The following C17orf100 variants were observed in gnomAD, a reference collection of about 807,000 sequenced individuals.
The protein encoded by C17orf100 is uncharacterized protein C17orf100.
Under a neutral mutation model 0.7 loss-of-function variants are expected in C17orf100, and 1 was observed. The observed-to-expected ratio is 1.50, with a 90% CI of 0.53 to 7.13. The LOEUF (loss-of-function observed/expected upper bound fraction) is 7.13, where lower values mean the gene tolerates loss of function less well. C17orf100 is among the 30% of genes most tolerant of loss of function. C17orf100 has a pLI of 0.14. For missense variants in C17orf100, 168 were observed against 171.5 expected, an observed-to-expected ratio of 0.98 and a Z score of 0.11; for synonymous variants, 87 against 84.0, an observed-to-expected ratio of 1.04 and a Z score of -0.20.
At position 6,652,444 on chromosome 17, in the gene C17orf100, A is replaced by G. The variant is rs976632882; in HGVS notation, c.*174A>G. 17 of 1,478,454 alleles carry G rather than the reference A, an allele frequency of 1.1e-5. No homozygotes were observed. Among genetic ancestry groups the G allele is most frequent in the Non-Finnish European group, 1.4e-5 (16 of 1,114,018 alleles). The allele number at this position is 1,478,454 out of a possible 1,614,324, so 91.6% of individuals were successfully genotyped here. A position where few individuals can be genotyped will look rare whatever the true frequency, so the allele number is the denominator to read the frequency against. On this transcript the variant is annotated 3_prime_UTR_variant, in exon 1 of 1. Coordinates refer to ENST00000542475, the MANE Select transcript of C17orf100 (RefSeq NM_001105520.2). The stretch of plus-strand genomic sequence containing the variant: ...AAGCCGCAGTTTCTGAACACAGCCA[A>G]CGTTTACTGACCGTCCTGCGTCTTG...
At position 6,652,335 on chromosome 17, in the gene C17orf100, T is replaced by A; in HGVS notation, c.*65T>A. On this transcript the variant is annotated 3_prime_UTR_variant, in exon 1 of 1. Coordinates refer to ENST00000542475, the MANE Select transcript of C17orf100 (RefSeq NM_001105520.2). ...CAGCCAGGACAGAAAGGCCTCCAGTTGCCAGCCAGCCAGCCAGCTGCCAGG... is the reference window on the plus strand; with the variant it reads ...CAGCCAGGACAGAAAGGCCTCCAGTAGCCAGCCAGCCAGCCAGCTGCCAGG... 1.3e-6 allele frequency: 2 copies of A among 1,595,362 alleles called. No homozygotes were observed. The highest frequency in any genetic ancestry group is 8.5e-7 in the Non-Finnish European group (1 of 1,172,314).
rs568982588 is a variant in C17orf100, at chr17:6,652,500, T to C, written c.*230T>C. 25 of 1,442,168 alleles carry C rather than the reference T, an allele frequency of 1.7e-5. 1 individual carries two copies. In the East Asian group the frequency reaches 5.6e-4, roughly 32 times the overall value. The allele number at this position is 1,442,168 out of a possible 1,614,324, so 89.3% of individuals were successfully genotyped here. ...GCCTACTTTTGACCCAGTGAACTATTTTCACTTGAAGCCAGCACAGAAGGT... is the reference window on the plus strand; with the variant it reads ...GCCTACTTTTGACCCAGTGAACTATCTTCACTTGAAGCCAGCACAGAAGGT... On this transcript the variant is annotated 3_prime_UTR_variant, in exon 1 of 1. Transcript: ENST00000542475.
Position 6,652,654 on chromosome 17 carries a change from T to G in C17orf100, c.*384T>G. The G allele has an allele frequency of 2.9e-6, 1 of 350,748 alleles. No homozygotes were observed. The highest frequency in any genetic ancestry group is 5.2e-6 in the Non-Finnish European group (1 of 193,968). The allele number at this position is 350,748 out of a possible 1,614,324, so 21.7% of individuals were successfully genotyped here. A position where few individuals can be genotyped will look rare whatever the true frequency, so the allele number is the denominator to read the frequency against. On this transcript the variant is annotated 3_prime_UTR_variant, in exon 1 of 1. Transcript: ENST00000542475. ...CACCCCTTAGGAACAGAGACCAAACTGAAATAATGACCTGTGGAATGATTC... is the reference window on the plus strand; with the variant it reads ...CACCCCTTAGGAACAGAGACCAAACGGAAATAATGACCTGTGGAATGATTC...
chr17:6,651,778 G>GTGCTTCC lies in C17orf100; in HGVS notation c.-136_-135insTGCTTCC. The GTGCTTCC allele has an allele frequency of 6.9e-7, 1 of 1,443,246 alleles. No individual in the cohort carries two copies. The highest frequency in any genetic ancestry group is 9.1e-7 in the Non-Finnish European group (1 of 1,104,342). The allele number at this position is 1,443,246 out of a possible 1,614,324, so 89.4% of individuals were successfully genotyped here. ...GAGTCCAGTGTTTTAGCCTTCGAAG[G>GTGCTTCC]ACCATGGTGCTTCCACGTCATCGTG... On this transcript the variant is annotated 5_prime_UTR_variant, in exon 1 of 1. Coordinates refer to ENST00000542475, the MANE Select transcript of C17orf100 (RefSeq NM_001105520.2).
Position 6,651,955 on chromosome 17 carries a change from G to A in C17orf100, c.42G>A (p.Val14=). 1 of 1,529,172 alleles carries A rather than the reference G, an allele frequency of 6.5e-7. No homozygotes were observed. The highest frequency in any genetic ancestry group is 1.2e-5 in the South Asian group (1 of 81,084). 94.7% of individuals were successfully genotyped at this position (1,529,172 alleles called of 1,614,324 possible). ...GGGCCAAGCAGTCTTCGCCCCGGGT[G>A]GGGACCACCCGCTACACAGAGACGT... ...ARGAKQSSPR[V]GTTRYTETST... The change falls in exon 1 of 1, where the codon GTG becomes GTA. Residue 14 remains valine, a synonymous_variant. Transcript: ENST00000542475.
rs1216871271 is a variant in C17orf100, at chr17:6,652,209, C to G, written c.296C>G (p.Ala99Gly). ...SLRVETSLHC[A>G]ESPTPRAKPA... ...AGGGTGGAGACGTCTCTGCACTGCG[C>G]GGAGAGCCCGACCCCGCGGGCCAAG... The change falls in exon 1 of 1, where the codon GCG (alanine) becomes GGG (glycine). Residue 99 changes from alanine (A) to glycine (G), a missense_variant. Ala to Gly is a moderately conservative substitution (Grantham distance 60). Transcript: ENST00000542475. 1.4e-5 allele frequency: 22 copies of G among 1,606,282 alleles called. No homozygotes were observed. The Admixed American group carries it at 3.2e-4, about 23-fold the overall frequency.
Position 6,651,927 on chromosome 17 carries a change from G to A in C17orf100, c.14G>A (p.Arg5Gln). The A allele has an allele frequency of 1.3e-6, 2 of 1,494,466 alleles. No individual in the cohort carries two copies. Among genetic ancestry groups the A allele is most frequent in the Non-Finnish European group, 1.8e-6 (2 of 1,116,952 alleles). 92.6% of individuals were successfully genotyped at this position (1,494,466 alleles called of 1,614,324 possible). A position where few individuals can be genotyped will look rare whatever the true frequency, so the allele number is the denominator to read the frequency against. The change falls in exon 1 of 1, where the codon CGA becomes CAA. Residue 5 changes from arginine to glutamine, a missense_variant. Arg to Gln is a conservative substitution (Grantham distance 43). Coordinates refer to ENST00000542475, the MANE Select transcript of C17orf100 (RefSeq NM_001105520.2). Reference sequence around the variant, plus strand: ...CACGCCGGCAGAATGGCCTCAGCCCGAGGGGCCAAGCAGTCTTCGCCCCGG... The same window carrying A: ...CACGCCGGCAGAATGGCCTCAGCCCAAGGGGCCAAGCAGTCTTCGCCCCGG... Reference protein sequence around the residue: MASARGAKQSSPRVG... With the variant: MASAQGAKQSSPRVG...
In C17orf100 at chr17:6,652,635, T is replaced by A; in HGVS notation, c.*365T>A. On this transcript the variant is annotated 3_prime_UTR_variant, in exon 1 of 1. Coordinates refer to ENST00000542475, the MANE Select transcript of C17orf100 (RefSeq NM_001105520.2). ...ACAGCCCTCAGAAAACCTTCACCCC[T>A]TAGGAACAGAGACCAAACTGAAATA... 1 of 488,550 alleles carries A rather than the reference T, an allele frequency of 2.0e-6. No homozygotes were observed. The highest frequency in any genetic ancestry group is 3.3e-6 in the Non-Finnish European group (1 of 307,032). The allele number at this position is 488,550 out of a possible 1,614,324, so 30.3% of individuals were successfully genotyped here.
rs1441835415 is a variant in C17orf100 at position 6,652,223 on chromosome 17, C to T, written c.310C>T (p.Pro104Ser). 47 of 1,607,500 alleles carry T rather than the reference C, an allele frequency of 2.9e-5. No individual in the cohort carries two copies. Among genetic ancestry groups the T allele is most frequent in the Non-Finnish European group, 4.0e-5 (47 of 1,179,718 alleles). Residue 104 changes from proline to serine, a missense_variant, in exon 1 of 1, where the codon CCG becomes TCG. Coordinates refer to ENST00000542475, the MANE Select transcript of C17orf100 (RefSeq NM_001105520.2). ...TSLHCAESPT[P>S]RAKPAARQNE... ...TCTGCACTGCGCGGAGAGCCCGACC[C>T]CGCGGGCCAAGCCGGCCGCCCGCCA... is the stretch of plus-strand genomic sequence containing the variant.
In C17orf100 at chr17:6,652,221, C is replaced by T. The variant is rs1972850000; in HGVS notation, c.308C>T (p.Thr103Ile). The change falls in exon 1 of 1, where the codon ACC becomes ATC. Residue 103 changes from threonine to isoleucine, a missense_variant. Thr to Ile is a moderately conservative substitution (Grantham distance 89, BLOSUM62 -1). Coordinates refer to ENST00000542475, the MANE Select transcript of C17orf100 (RefSeq NM_001105520.2). Reference protein sequence around the residue: ...ETSLHCAESPTPRAKPAARQN... With the variant: ...ETSLHCAESPIPRAKPAARQN... ...TCTCTGCACTGCGCGGAGAGCCCGA[C>T]CCCGCGGGCCAAGCCGGCCGCCCGC... 1 of 1,607,472 alleles carries T rather than the reference C, an allele frequency of 6.2e-7. No homozygotes were observed.
At position 6,652,238 on chromosome 17, in the gene C17orf100, G is replaced by T; in HGVS notation, c.325G>T (p.Ala109Ser). The change falls in exon 1 of 1, where the codon GCC becomes TCC. Residue 109 changes from alanine to serine, a missense_variant. Transcript: ENST00000542475. Reference protein sequence around the residue: ...AESPTPRAKPAARQNEKTAR With the variant: ...AESPTPRAKPSARQNEKTAR ...GAGCCCGACCCCGCGGGCCAAGCCG[G>T]CCGCCCGCCAGAACGAAAAAACGGC... 1 of 1,608,854 alleles carries T rather than the reference G, an allele frequency of 6.2e-7. No homozygotes were observed. The highest frequency in any genetic ancestry group is 8.5e-7 in the Non-Finnish European group (1 of 1,179,748).
Position 6,652,496 on chromosome 17 carries a change from CT to C in C17orf100, c.*227del. The C allele has an allele frequency of 6.9e-7, 1 of 1,444,226 alleles. No homozygotes were observed. The highest frequency in any genetic ancestry group is 9.1e-7 in the Non-Finnish European group (1 of 1,095,436). 89.5% of individuals were successfully genotyped at this position (1,444,226 alleles called of 1,614,324 possible). A position where few individuals can be genotyped will look rare whatever the true frequency, so the allele number is the denominator to read the frequency against. On this transcript the variant is annotated 3_prime_UTR_variant, in exon 1 of 1. Transcript: ENST00000542475. ...ACCAGCCTACTTTTGACCCAGTGAACTATTTTCACTTGAAGCCAGCACAGAA... is the reference window on the plus strand; with the variant it reads ...ACCAGCCTACTTTTGACCCAGTGAACATTTTCACTTGAAGCCAGCACAGAA...
In C17orf100 at chr17:6,652,061, G is replaced by GGGCC; in HGVS notation, c.149_152dup (p.Ser52AlafsTer124). The GGGCC allele has an allele frequency of 6.4e-7, 1 of 1,562,388 alleles. No homozygotes were observed. Among genetic ancestry groups the GGGCC allele is most frequent in the East Asian group, 2.4e-5 (1 of 41,590 alleles). On this transcript the variant is annotated frameshift_variant, in exon 1 of 1. Transcript: ENST00000542475. LOFTEE classifies it low-confidence loss of function (END_TRUNC). Reference sequence around the variant, plus strand: ...GGAGACCTCCCAGCGCCGCAGCGAGGGGCCCTCCCTCTCCCCCTCGGGGAA... The same window carrying GGGCC: ...GGAGACCTCCCAGCGCCGCAGCGAGGGGCCGGCCCTCCCTCTCCCCCTCGGGGAA...
At position 6,653,234 on chromosome 17, in the gene C17orf100, G is replaced by A. The variant is rs1474635173; in HGVS notation, c.*964G>A. The A allele has an allele frequency of 6.0e-6, 1 of 167,084 alleles. No individual in the cohort carries two copies. Among genetic ancestry groups the A allele is most frequent in the Non-Finnish European group, 1.5e-5 (1 of 68,120 alleles). 10.4% of individuals were successfully genotyped at this position (167,084 alleles called of 1,614,324 possible). A position where few individuals can be genotyped will look rare whatever the true frequency, so the allele number is the denominator to read the frequency against. ...AAGAATGGTTGTAAGAGTACTTAAA[G>A]TACTATTTCTACTGAATGTCACTTT... On this transcript the variant is annotated 3_prime_UTR_variant, in exon 1 of 1. Coordinates refer to ENST00000542475, the MANE Select transcript of C17orf100 (RefSeq NM_001105520.2).
In C17orf100 at chr17:6,652,222, C is replaced by T. The variant is rs1972850029; in HGVS notation, c.309C>T (p.Thr103=). Residue 103 remains threonine, a synonymous_variant, in exon 1 of 1, where the codon ACC becomes ACT. Coordinates refer to ENST00000542475, the MANE Select transcript of C17orf100 (RefSeq NM_001105520.2). The part of the protein sequence containing the change: ...ETSLHCAESP[T]PRAKPAARQN... Reference sequence around the variant, plus strand: ...CTCTGCACTGCGCGGAGAGCCCGACCCCGCGGGCCAAGCCGGCCGCCCGCC... The same window carrying T: ...CTCTGCACTGCGCGGAGAGCCCGACTCCGCGGGCCAAGCCGGCCGCCCGCC... The T allele has an allele frequency of 1.9e-6, 3 of 1,607,544 alleles. No individual in the cohort carries two copies. The highest frequency in any genetic ancestry group is 1.7e-6 in the Non-Finnish European group (2 of 1,179,708).
Position 6,652,631 on chromosome 17 carries a change from C to A in C17orf100, c.*361C>A. On this transcript the variant is annotated 3_prime_UTR_variant, in exon 1 of 1. Transcript: ENST00000542475. ...ATCCACAGCCCTCAGAAAACCTTCA[C>A]CCCTTAGGAACAGAGACCAAACTGA... is the stretch of plus-strand genomic sequence containing the variant. 2 of 533,640 alleles carry A rather than the reference C, an allele frequency of 3.7e-6. No individual in the cohort carries two copies. Among genetic ancestry groups the A allele is most frequent in the Non-Finnish European group, 5.9e-6 (2 of 341,740 alleles). 33.1% of individuals were successfully genotyped at this position (533,640 alleles called of 1,614,324 possible).
Position 6,651,963 on chromosome 17 carries a change from C to G in C17orf100, c.50C>G (p.Thr17Ser), listed in dbSNP as rs1184475433. Residue 17 changes from threonine to serine, a missense_variant, in exon 1 of 1, where the codon ACC becomes AGC. Transcript: ENST00000542475. ...CAGTCTTCGCCCCGGGTGGGGACCA[C>G]CCGCTACACAGAGACGTCCACGGTC... The part of the protein sequence containing the change: ...AKQSSPRVGT[T>S]RYTETSTVRV... 2.6e-6 allele frequency: 4 copies of G among 1,538,370 alleles called. No individual in the cohort carries two copies. In the East Asian group the frequency reaches 9.8e-5, roughly 38 times the overall value.
Position 6,652,359 on chromosome 17 carries a change from G to A in C17orf100, c.*89G>A. On this transcript the variant is annotated 3_prime_UTR_variant, in exon 1 of 1. Coordinates refer to ENST00000542475, the MANE Select transcript of C17orf100 (RefSeq NM_001105520.2). ...TTGCCAGCCAGCCAGCCAGCTGCCA[G>A]GTGGACCAATCATTTTCGGTTTCAT... 1 of 1,568,148 alleles carries A rather than the reference G, an allele frequency of 6.4e-7. No homozygotes were observed. The highest frequency in any genetic ancestry group is 8.6e-7 in the Non-Finnish European group (1 of 1,159,048).
rs1972846578 is a variant in C17orf100 at position 6,652,012 on chromosome 17, C to CGTGGAGACGTCGTCCCGGCGG, written c.108_128dup (p.Ser38_Ser44dup). 1 of 1,555,898 alleles carries CGTGGAGACGTCGTCCCGGCGG rather than the reference C, an allele frequency of 6.4e-7. No homozygotes were observed. The highest frequency in any genetic ancestry group is 2.4e-5 in the East Asian group (1 of 41,244). Reference sequence around the variant, plus strand: ...TCCGCGTGGAGACCTCGTCCCACCGCGTGGAGACGTCGTCCCGGCGGGTGG... The same window carrying CGTGGAGACGTCGTCCCGGCGG: ...TCCGCGTGGAGACCTCGTCCCACCGCGTGGAGACGTCGTCCCGGCGGGTGGAGACGTCGTCCCGGCGGGTGG... On this transcript the variant is annotated inframe_insertion, in exon 1 of 1. Transcript: ENST00000542475.
Sources: gnomAD v4.1 joint callset for allele counts on GRCh38, gnomAD v4.1.1 for gene constraint, MANE v1.5 for transcripts, NCBI Gene and HGNC (gene_info 2026-07-23, HGNC 2026-07-21) for gene names.